DOCK1: variants seen among roughly 807,000 people sequenced by gnomAD.
DOCK1 encodes the protein dedicator of cytokinesis 1, also known as dedicator of cytokinesis protein 1.
A neutral mutation model predicts 262.7 loss-of-function variants in DOCK1; 138 were observed. That is an observed-to-expected ratio of 0.53 (90% CI 0.46 to 0.61). The LOEUF (loss-of-function observed/expected upper bound fraction) is 0.61, where lower values mean the gene tolerates loss of function less well. Ranked by LOEUF, DOCK1 falls within the 20% of genes least tolerant of loss-of-function variation. The pLI is 0.00. For synonymous variants in DOCK1, 866 were observed against 867.4 expected (o/e 1.00, Z 0.03); for missense variants, 1,908 against 2,370.7 (o/e 0.80, Z 4.05).
At chr10:127,037,848 CTTTT>C (rs56038046) in intron 19 of DOCK1, 32 bp downstream of exon 19, 6,267 of 1,040,032 alleles carry the variant, frequency 6.0e-3, no homozygotes, top group Non-Finnish European at 6.6e-3. Context: ...CTTTTTGGGT[CTTTT>C]TTTTTTTTTT....
chr10:127,241,161 A>G (rs942389815), intron 27 of DOCK1, among the ~76,000 whole-genome samples: 3 of 152,104 alleles, frequency 2.0e-5, no homozygotes, highest in Admixed American at 6.5e-5. Context: ...TGTCTCTACT[A>G]AAAATACAAA....
chr10:127,061,515 G>T (rs1444416689), intron 22 of DOCK1, among the ~76,000 whole-genome samples, 153 bp from the exon 23 acceptor site: 3 of 152,238 alleles, frequency 2.0e-5, no homozygotes, highest in Non-Finnish European at 4.4e-5. Context: ...GAGTCTCACT[G>T]CCAAGTTACC....
chr10:127,315,164 G>A (rs1180050110), intron 29 of DOCK1, among the ~76,000 whole-genome samples: 2 of 152,088 alleles, frequency 1.3e-5, no homozygotes, highest in Non-Finnish European at 2.9e-5. Flanking sequence ...CCCCTCCTCC[G>A]TGAGAGTGGG....
At chr10:127,067,774 C>T (rs1370626109) in intron 23 of DOCK1, among the ~76,000 whole-genome samples, 1 of 152,136 alleles carries the variant, frequency 6.6e-6, no homozygotes, top group Non-Finnish European at 1.5e-5. Flanking sequence ...GACTCTGCCC[C>T]TCTGTCTCCT....
intron 23 of DOCK1, among the ~76,000 whole-genome samples, chr10:127,076,273 G>T (rs544784772): frequency 6.6e-6 from 1 of 152,206 alleles, no homozygotes; most frequent in Admixed American, 6.5e-5. Flanking sequence ...AGGCCGAGGT[G>T]GGCGGATCAC....
intron 27 of DOCK1, among the ~76,000 whole-genome samples, chr10:127,186,507 G>GCCCCCCC (rs1326283340): frequency 1.7e-4 from 1 of 5,918 alleles, no homozygotes; most frequent in African/African-American, 3.2e-4. Flanking sequence ...GGGAGAAACC[G>GCCCCCCC]CCCCCCCGCC....
chr10:126,985,207 C>T (rs1355303051), intron 4 of DOCK1, among the ~76,000 whole-genome samples: 1 of 152,098 alleles, frequency 6.6e-6, no homozygotes, highest in Non-Finnish European at 1.5e-5. Context: ...CTTTGAACCC[C>T]TGACCTCACG....
At chr10:127,311,855 T>A (rs2062074202) in intron 29 of DOCK1, among the ~76,000 whole-genome samples, 1 of 152,018 alleles carries the variant, frequency 6.6e-6, no homozygotes, top group Non-Finnish European at 1.5e-5. Flanking sequence ...TGTACCTGTT[T>A]TTTATTTTTT....
chr10:127,209,447 G>A (rs2134313727), intron 27 of DOCK1, among the ~76,000 whole-genome samples: 1 of 152,288 alleles, frequency 6.6e-6, no homozygotes, highest in East Asian at 1.9e-4. Context: ...AGGACTGGGT[G>A]GTGCCTGTGT....
At chr10:126,972,082 A>G (rs184970701) in intron 2 of DOCK1, among the ~76,000 whole-genome samples, 2 of 151,696 alleles carry the variant, frequency 1.3e-5, no homozygotes, top group South Asian at 2.1e-4. Flanking sequence ...GTACCCACCT[A>G]ATTTTGTATT....
intron 29 of DOCK1, among the ~76,000 whole-genome samples, chr10:127,299,978 C>A (rs186007626): frequency 1.3e-5 from 2 of 152,150 alleles, no homozygotes; most frequent in African/African-American, 4.8e-5. Flanking sequence ...TCAGAGCATC[C>A]GGCCATTGAG....
intron 23 of DOCK1, among the ~76,000 whole-genome samples, chr10:127,069,208 A>G (rs553496608): frequency 1.3e-5 from 2 of 152,022 alleles, no homozygotes; most frequent in South Asian, 4.2e-4. Context: ...ACTTCCTTCT[A>G]TGCTTCTTGT....
chr10:127,186,138 G>A (rs946413256), intron 27 of DOCK1, among the ~76,000 whole-genome samples: 3 of 152,114 alleles, frequency 2.0e-5, no homozygotes, highest in Non-Finnish European at 4.4e-5. Context: ...AACAATAGAG[G>A]GTCTGGGGCA....
intron 46 of DOCK1, among the ~76,000 whole-genome samples, chr10:127,420,438 T>C (rs958337949): frequency 1.3e-5 from 2 of 152,176 alleles, no homozygotes; most frequent in Non-Finnish European, 2.9e-5. Flanking sequence ...ACCAGCCTGC[T>C]CTGCTGCTTT....
intron 49 of DOCK1, among the ~76,000 whole-genome samples, chr10:127,443,245 C>T (rs1474382275): frequency 6.6e-6 from 1 of 152,162 alleles, no homozygotes; most frequent in Non-Finnish European, 1.5e-5. Flanking sequence ...GGAATTGGAC[C>T]TGTTACTGGG....
chr10:127,151,025 G>A (rs2489390), intron 27 of DOCK1, among the ~76,000 whole-genome samples: 108,988 of 152,132 alleles, frequency 0.72, 43,748 homozygotes, highest in South Asian at 0.9. Context: ...AGTTAGGTAC[G>A]TGTCAATTTT....
rs527911603 is a variant in DOCK1, at chr10:126,987,634, T to C, written c.324+17T>C. ...CTCTACGTGGTGAGAAAATGAGATA[T>C]TCATTCAAAGCTTAGAAATAGAGAG... On this transcript the variant is annotated intron_variant, in intron 5 of 51. Transcript: ENST00000623213. 19 of 1,545,180 alleles carry C rather than the reference T, an allele frequency of 1.2e-5. No individual in the cohort carries two copies. Among genetic ancestry groups the C allele is most frequent in the Non-Finnish European group, 1.6e-5 (18 of 1,141,796 alleles).
Position 127,075,169 on chromosome 10 carries a change from C to CAAAAAAAAA in DOCK1, c.2445+13415_2445+13423dup, listed in dbSNP as rs71032536. Among the ~76,000 whole-genome samples, 42 of 64,322 alleles carry CAAAAAAAAA rather than the reference C, an allele frequency of 6.5e-4. 2 individuals carry two copies. The highest frequency in any genetic ancestry group is 3.0e-3 in the African/African-American group (42 of 14,218). The allele number at this position is 64,322 out of a possible 152,430, so 42.2% of individuals were successfully genotyped here. A position where few individuals can be genotyped will look rare whatever the true frequency, so the allele number is the denominator to read the frequency against. ...GGGCAACAAGAGCGAAACTCTGTCTCAAAAAAAAAAAAAAAAAAAAAAAAA... is the reference window on the plus strand; with the variant it reads ...GGGCAACAAGAGCGAAACTCTGTCTCAAAAAAAAAAAAAAAAAAAAAAAAAAAAAAAAAA... On this transcript the variant is annotated intron_variant, in intron 23 of 51. Transcript: ENST00000623213.
rs368869687 is a variant in DOCK1, at chr10:126,998,220, A to G, written c.738A>G (p.Leu246=). Residue 246 remains leucine (L), a synonymous_variant, in exon 8 of 52, where the codon CTA becomes CTG. Transcript: ENST00000623213. ...IGEDAEVLMS[L]YDPVESKFIS... ...AAGATGCTGAAGTCCTCATGTCTCTATATGACCCTGTGGAGTCCAAATTCA... is the reference window on the plus strand; with the variant it reads ...AAGATGCTGAAGTCCTCATGTCTCTGTATGACCCTGTGGAGTCCAAATTCA... 6.2e-6 allele frequency: 10 copies of G among 1,613,902 alleles called. No individual in the cohort carries two copies. Among genetic ancestry groups the G allele is most frequent in the Non-Finnish European group, 7.6e-6 (9 of 1,179,894 alleles).
Sources: gnomAD v4.1 joint callset for allele counts (sites outside exome capture counted in the v4.1 genomes callset) on GRCh38, gnomAD v4.1.1 for gene constraint, MANE v1.5 for transcripts, NCBI Gene and HGNC (gene_info 2026-07-23, HGNC 2026-07-21) for gene names.